Variants in ITGA2 observed in about 807,000 individuals in gnomAD.
ITGA2 encodes integrin alpha-2.
A neutral mutation model predicts 146.3 loss-of-function variants in ITGA2; 101 were observed. The observed-to-expected ratio is 0.69, with a 90% CI of 0.59 to 0.81. The LOEUF (loss-of-function observed/expected upper bound fraction) is 0.81. Ranked by LOEUF, ITGA2 falls within the 40% of genes least tolerant of loss-of-function variation. The pLI, the probability that ITGA2 is intolerant of heterozygous loss-of-function variation, is 0.00. For synonymous variants in ITGA2, 477 were observed against 487.1 expected (o/e 0.98, Z 0.27); for missense variants, 1,281 against 1,402.7 (o/e 0.91, Z 1.39).
At chr5:53,074,542 A>C (rs559247560) in intron 21 of ITGA2, 65 bp downstream of exon 21, 1 of 1,218,216 alleles carries the variant, frequency 8.2e-7, no homozygotes, top group Non-Finnish European at 1.2e-6. Context: ...TAATTTACCA[A>C]CATAACATCT....
chr5:53,076,959 C>T (rs1745688446), intron 23 of ITGA2, among the ~76,000 whole-genome samples: 1 of 152,010 alleles, frequency 6.6e-6, no homozygotes, highest in East Asian at 1.9e-4. Flanking sequence ...GTGCCACTCC[C>T]CATAAGAGAC....
chr5:53,038,207 TAAA>T (rs34975562), intron 2 of ITGA2, among the ~76,000 whole-genome samples: 61 of 144,348 alleles, frequency 4.2e-4, no homozygotes, highest in African/African-American at 1.5e-3. Context: ...GAGGCTCTGA[TAAA>T]AAAAAAAAAA....
chr5:53,057,958 G>T, intron 9 of ITGA2, 67 bp from the exon 10 acceptor site: 1 of 1,160,148 alleles, frequency 8.6e-7, no homozygotes, highest in Non-Finnish European at 1.3e-6. Flanking sequence ...ATACGTGCCT[G>T]CTTGTGTTTG....
chr5:53,084,649 C>A (rs1343312705), intron 27 of ITGA2, among the ~76,000 whole-genome samples: 1 of 151,648 alleles, frequency 6.6e-6, no homozygotes, highest in African/African-American at 2.4e-5. Flanking sequence ...ATTCTAGGTC[C>A]TTTAAGACGT....
At chr5:53,055,893 A>G in intron 8 of ITGA2, 91 bp from the exon 9 acceptor site, 7 of 1,353,268 alleles carry the variant, frequency 5.2e-6, no homozygotes, top group Non-Finnish European at 7.3e-6. Context: ...ACTTTTCCAG[A>G]GGGAATATTG....
In ITGA2 at chr5:53,055,558, C is replaced by A; in HGVS notation, c.800C>A (p.Ala267Asp). ...CACAGAAAATATGCTTATTCAGCAG[C>A]TTCTGGTGGGCGACGAAGTGCTACG... ...QYARKYAYSA[A>D]SGGRRSATKV... Residue 267 changes from alanine to aspartate, a missense_variant, in exon 8 of 30, where the codon GCT becomes GAT. Transcript: ENST00000296585. The A allele has an allele frequency of 6.2e-7, 1 of 1,612,998 alleles. No individual in the cohort carries two copies. The highest frequency in any genetic ancestry group is 8.5e-7 in the Non-Finnish European group (1 of 1,179,284).
At position 53,070,332 on chromosome 5, in the gene ITGA2, G is replaced by A. The variant is rs2303126; in HGVS notation, c.2235+72G>A. On this transcript the variant is annotated intron_variant, in intron 17 of 29. Coordinates refer to ENST00000296585, the MANE Select transcript of ITGA2 (RefSeq NM_002203.4). ...CGAGAGAGTGGTAAAAGTCAAAAAT[G>A]GAAGCTTATGAGTTAGAAAATGCTC... 0.082 allele frequency: 121,838 copies of A among 1,488,422 alleles called. 6,298 individuals are homozygous for A. Among genetic ancestry groups the A allele is most frequent in the East Asian group, 0.21 (9,191 of 43,780 alleles). 92.2% of individuals were successfully genotyped at this position (1,488,422 alleles called of 1,614,324 possible). A position where few individuals can be genotyped will look rare whatever the true frequency, so the allele number is the denominator to read the frequency against.
chr5:53,023,237 C>T (rs540391091), intron 1 of ITGA2, among the ~76,000 whole-genome samples: 17 of 152,304 alleles, frequency 1.1e-4, no homozygotes, highest in African/African-American at 4.1e-4. Flanking sequence ...AATGAAGCAA[C>T]CTATGACTCT....
rs747545163 is a variant in ITGA2 at position 53,074,402 on chromosome 5, A to G, written c.2589A>G (p.Val863=). The G allele has an allele frequency of 3.1e-6, 5 of 1,612,402 alleles. No individual in the cohort carries two copies. In the Admixed American group the frequency reaches 6.7e-5, roughly 22 times the overall value. Reference sequence around the variant, plus strand: ...TTGTTCAGGTTGATGGGACAGAAGTAACATGCCAGGTGGCTGCATCTCAGA... The same window carrying G: ...TTGTTCAGGTTGATGGGACAGAAGTGACATGCCAGGTGGCTGCATCTCAGA... ...SFSLPVDGTE[V]TCQVAASQKS... is the part of the protein sequence containing the mutation. Residue 863 remains valine (V), a synonymous_variant, in exon 21 of 30, where the codon GTA becomes GTG. Coordinates refer to ENST00000296585, the MANE Select transcript of ITGA2 (RefSeq NM_002203.4).
intron 1 of ITGA2, among the ~76,000 whole-genome samples, chr5:53,023,494 T>C (rs935438466): frequency 1.3e-5 from 2 of 152,192 alleles, no homozygotes; most frequent in Admixed American, 6.5e-5. Flanking sequence ...TTATACATTT[T>C]GATGCCATTT....
chr5:53,039,417 G>A (rs1390906260), intron 2 of ITGA2, among the ~76,000 whole-genome samples: 2 of 152,060 alleles, frequency 1.3e-5, no homozygotes, highest in East Asian at 3.9e-4. Flanking sequence ...CTCTCAACTT[G>A]GTTGATTTGT....
chr5:53,055,387 AT>A (rs1744580037), intron 7 of ITGA2, 150 bp from the exon 8 acceptor site: 1 of 706,264 alleles, frequency 1.4e-6, no homozygotes, highest in Non-Finnish European at 2.4e-6. Context: ...CAAGCTACAA[AT>A]GGAACATTAA....
intron 1 of ITGA2, among the ~76,000 whole-genome samples, chr5:53,022,339 C>G (rs547464136): frequency 9.9e-5 from 15 of 151,940 alleles, no homozygotes; most frequent in Admixed American, 9.2e-4. Flanking sequence ...ATTGAGATTA[C>G]ACGTGTGAGC....
chr5:53,006,650 A>G (rs1741869151), intron 1 of ITGA2, among the ~76,000 whole-genome samples: 3 of 152,200 alleles, frequency 2.0e-5, no homozygotes, highest in Non-Finnish European at 4.4e-5. Flanking sequence ...GTGCTGGGGA[A>G]TATATCAGTG....
At chr5:52,998,191 C>T (rs554740997) in intron 1 of ITGA2, among the ~76,000 whole-genome samples, 21 of 152,008 alleles carry the variant, frequency 1.4e-4, no homozygotes, top group Non-Finnish European at 2.5e-4. Context: ...AGTCCCAGAC[C>T]GAGTGCAGTG....
At chr5:53,058,194 C>T in intron 10 of ITGA2, 93 bp downstream of exon 10, 1 of 914,116 alleles carries the variant, frequency 1.1e-6, no homozygotes, top group Non-Finnish European at 1.8e-6. Flanking sequence ...AGACAGCCAT[C>T]TAGGGATCAG....
rs1455518997 is a variant in ITGA2 at position 53,093,426 on chromosome 5, T to C, written c.*2827T>C. On this transcript the variant is annotated 3_prime_UTR_variant, in exon 30 of 30. Transcript: ENST00000296585. ...GCTACTGTCATTTGGGGCCAGGTGA[T>C]TCTTCCTTGCAGGGGCTGTCCTGTA... The C allele has an allele frequency of 6.6e-6, 1 of 152,194 alleles. No individual in the cohort carries two copies. The highest frequency in any genetic ancestry group is 1.5e-5 in the Non-Finnish European group (1 of 68,084). The allele number at this position is 152,194 out of a possible 1,614,324, so 9.4% of individuals were successfully genotyped here. A position where few individuals can be genotyped will look rare whatever the true frequency, so the allele number is the denominator to read the frequency against.
intron 1 of ITGA2, among the ~76,000 whole-genome samples, chr5:53,010,419 C>G (rs1475739690): frequency 6.6e-6 from 1 of 152,108 alleles, no homozygotes; most frequent in African/African-American, 2.4e-5. Context: ...GTTGGTGACC[C>G]TTTTACTCCT....
chr5:53,063,574 C>A (rs967521470), intron 13 of ITGA2, among the ~76,000 whole-genome samples: 3 of 151,578 alleles, frequency 2.0e-5, no homozygotes, highest in Non-Finnish European at 3.0e-5. Flanking sequence ...AAAAAGAAAA[C>A]CAAATTAAAG....
Sources: gnomAD v4.1 joint callset for allele counts (sites outside exome capture counted in the v4.1 genomes callset) on GRCh38, gnomAD v4.1.1 for gene constraint, MANE v1.5 for transcripts, NCBI Gene and HGNC (gene_info 2026-07-23, HGNC 2026-07-21) for gene names.